USP4: variants seen among roughly 807,000 people sequenced by gnomAD.
USP4 encodes ubiquitin specific peptidase 4.
In USP4, 72 loss-of-function variants were observed where a neutral mutation model predicts 118.2. The ratio of observed to expected loss-of-function variants is 0.61; its 90% CI spans 0.50 to 0.74. The LOEUF (loss-of-function observed/expected upper bound fraction) is 0.74. USP4 is among the 30% of genes least tolerant of loss of function. The probability of loss-of-function intolerance (pLI) is 0.00; values close to 1 mark genes in which losing one functional copy is unlikely to be tolerated. For synonymous variants in USP4, 415 were observed against 440.4 expected (o/e 0.94, Z 0.72); for missense variants, 1,037 against 1,185.7 (o/e 0.87, Z 1.84).
intron 2 of USP4, among the ~76,000 whole-genome samples, chr3:49,328,131 G>T (rs372034742): frequency 2.5e-4 from 38 of 151,936 alleles, no homozygotes; most frequent in African/African-American, 9.0e-4. Context: ...AGGCTGAGGC[G>T]GTTGGATCAT....
At chr3:49,322,054 A>T (rs1044771309) in intron 6 of USP4, among the ~76,000 whole-genome samples, 2 of 152,098 alleles carry the variant, frequency 1.3e-5, no homozygotes, top group Non-Finnish European at 1.5e-5. Context: ...GCACCAAGTG[A>T]TACATCCATG....
At position 49,278,010 on chromosome 3, in the gene USP4, G is replaced by C. The variant is rs2046980523; in HGVS notation, c.*283C>G. 2.1e-6 allele frequency: 1 copy of C among 479,176 alleles called. No individual in the cohort carries two copies. Among genetic ancestry groups the C allele is most frequent in the African/African-American group, 2.0e-5 (1 of 49,230 alleles). 29.7% of individuals were successfully genotyped at this position (479,176 alleles called of 1,614,324 possible). A position where few individuals can be genotyped will look rare whatever the true frequency, so the allele number is the denominator to read the frequency against. ...CCTCTCCATTCTTCGGGATCCATCA[G>C]ACATACTCCATTGAGTACCCCCATC... On this transcript the variant is annotated 3_prime_UTR_variant, in exon 22 of 22. Transcript: ENST00000265560.
intron 2 of USP4, among the ~76,000 whole-genome samples, chr3:49,328,626 G>A (rs1414215169): frequency 6.6e-6 from 1 of 152,126 alleles, no homozygotes; most frequent in Non-Finnish European, 1.5e-5. Context: ...TTGGGAGGCT[G>A]AGGCAGGCAG....
At chr3:49,311,869 A>C in intron 6 of USP4, 2 of 1,229,994 alleles carry the variant, frequency 1.6e-6, no homozygotes, top group Non-Finnish European at 2.1e-6. Flanking sequence ...ACACCACCAC[A>C]TACCCTTTCA....
intron 6 of USP4, among the ~76,000 whole-genome samples, chr3:49,320,995 A>G (rs906797032): frequency 6.6e-6 from 1 of 152,164 alleles, no homozygotes; most frequent in African/African-American, 2.4e-5. Context: ...TGATTAGCCA[A>G]TGAGATACAA....
intron 2 of USP4, among the ~76,000 whole-genome samples, chr3:49,330,096 G>A (rs1346226134): frequency 6.6e-6 from 1 of 151,978 alleles, no homozygotes; most frequent in Non-Finnish European, 1.5e-5. Flanking sequence ...GCTTGAACCT[G>A]GGAGGGAGAG....
At chr3:49,306,421 T>C (rs1272098512) in intron 8 of USP4, among the ~76,000 whole-genome samples, 1 of 151,984 alleles carries the variant, frequency 6.6e-6, no homozygotes, top group African/African-American at 2.4e-5. Context: ...CAGGCTGGTC[T>C]CAAACTCCTG....
chr3:49,335,209 AGCTAGCAGAACTAATT>A (rs2047656432), intron 2 of USP4, among the ~76,000 whole-genome samples: 1 of 152,226 alleles, frequency 6.6e-6, no homozygotes, highest in African/African-American at 2.4e-5. Context: ...AATGTGAAAT[AGCTAGCAGAACTAATT>A]TGCAAAGAGA....
chr3:49,299,493 C>T (rs13077723), intron 11 of USP4, among the ~76,000 whole-genome samples: 37 of 150,764 alleles, frequency 2.5e-4, no homozygotes, highest in East Asian at 1.8e-3. Flanking sequence ...CCCGGGTTCA[C>T]GCCATTCTCC....
intron 8 of USP4, among the ~76,000 whole-genome samples, chr3:49,310,352 A>C (rs1195596367): frequency 1.3e-5 from 2 of 152,160 alleles, no homozygotes; most frequent in Admixed American, 1.3e-4. Context: ...TATTTTCTAG[A>C]GAGATCATAC....
At chr3:49,289,438 C>T (rs1375173566) in intron 15 of USP4, among the ~76,000 whole-genome samples, 1 of 152,188 alleles carries the variant, frequency 6.6e-6, no homozygotes, top group Non-Finnish European at 1.5e-5. Context: ...CCTTAGCTTC[C>T]AGAGTACCAC....
intron 6 of USP4, chr3:49,318,787 G>A (rs983357552): frequency 4.9e-5 from 9 of 183,556 alleles, no homozygotes; most frequent in Admixed American, 2.0e-4. Flanking sequence ...GCACGAACCC[G>A]TAATCCCAGC....
chr3:49,327,875 C>T, intron 2 of USP4, 59 bp from the exon 3 acceptor site: 1 of 1,492,070 alleles, frequency 6.7e-7, no homozygotes, highest in Non-Finnish European at 9.2e-7. Flanking sequence ...GATGGTTTTA[C>T]ATGATTTCCA....
intron 12 of USP4, among the ~76,000 whole-genome samples, chr3:49,298,277 C>T (rs1416066655): frequency 6.6e-6 from 1 of 152,166 alleles, no homozygotes; most frequent in South Asian, 2.1e-4. Flanking sequence ...TCTATGCCAC[C>T]CTCAGTGCAC....
chr3:49,339,114 T>A (rs2047705244), intron 1 of USP4, among the ~76,000 whole-genome samples: 2 of 152,162 alleles, frequency 1.3e-5, no homozygotes, highest in African/African-American at 4.8e-5. Flanking sequence ...GCCACTGCAC[T>A]CCAGCTTGGG....
At chr3:49,301,698 A>G (rs903575570) in intron 10 of USP4, among the ~76,000 whole-genome samples, 2 of 152,136 alleles carry the variant, frequency 1.3e-5, no homozygotes, top group Non-Finnish European at 2.9e-5. Flanking sequence ...AAAAAAAATA[A>G]ATAAATAAAT....
At chr3:49,285,475 G>C (rs892196527) in intron 16 of USP4, among the ~76,000 whole-genome samples, 1 of 152,168 alleles carries the variant, frequency 6.6e-6, no homozygotes, top group Non-Finnish European at 1.5e-5. Flanking sequence ...GTGAGACCCT[G>C]TCTCTACACA....
At chr3:49,336,164 TC>T (rs1433150506) in intron 1 of USP4, among the ~76,000 whole-genome samples, 4 of 99,050 alleles carry the variant, frequency 4.0e-5, no homozygotes, top group Non-Finnish European at 4.0e-5. Context: ...GCACCTGGCC[TC>T]TTTTTTTTTT....
chr3:49,309,521 G>A (rs1198879630), intron 8 of USP4, among the ~76,000 whole-genome samples: 1 of 150,960 alleles, frequency 6.6e-6, no homozygotes, highest in Non-Finnish European at 1.5e-5. Context: ...GCCTCCCAGA[G>A]TTGTGATTAC....
Sources: gnomAD v4.1 joint callset for allele counts (sites outside exome capture counted in the v4.1 genomes callset) on GRCh38, gnomAD v4.1.1 for gene constraint, MANE v1.5 for transcripts, NCBI Gene and HGNC (gene_info 2026-07-23, HGNC 2026-07-21) for gene names.